Variants in NPHP1 observed in about 807,000 individuals in gnomAD.
The protein encoded by NPHP1 is nephrocystin 1.
Under a neutral mutation model 90.4 loss-of-function variants are expected in NPHP1, and 70 were observed. The observed-to-expected ratio is 0.77, with a 90% CI of 0.64 to 0.95. The LOEUF (loss-of-function observed/expected upper bound fraction) is 0.95. Among genes scored for constraint, NPHP1 ranks in the 40% least tolerant of loss-of-function variants. The pLI is 0.00. For missense variants in NPHP1, 764 were observed against 795.9 expected (o/e 0.96, Z 0.48); for synonymous variants, 256 against 271.7 (o/e 0.94, Z 0.57).
chr2:110,200,060 C>A (rs1397596304), intron 2 of NPHP1, among the ~76,000 whole-genome samples: 3 of 151,784 alleles, frequency 2.0e-5, no homozygotes, highest in Non-Finnish European at 4.4e-5. Context: ...TTGAGACCAT[C>A]CTGGCTAGCA....
chr2:110,132,046 T>C (rs777035317), intron 16 of NPHP1, among the ~76,000 whole-genome samples: 2 of 152,184 alleles, frequency 1.3e-5, no homozygotes, highest in Non-Finnish European at 2.9e-5. Context: ...TATATACCTA[T>C]GTTAAATGTC....
Position 110,161,666 on chromosome 2 carries a change from T to C in NPHP1, c.891A>G (p.Gln297=), listed in dbSNP as rs1224023305. The C allele has an allele frequency of 2.5e-6, 4 of 1,613,228 alleles. No individual in the cohort carries two copies. The highest frequency in any genetic ancestry group is 1.7e-5 in the Admixed American group (1 of 60,012). The stretch of plus-strand genomic sequence containing the variant: ...CCAGTTGTGAAGGCATGAGCTCTGG[T>C]TGTAAGAAGTAATTTGCTCGAAATT... The part of the protein sequence containing the change: ...GNQFRANYFL[Q]PELMPSQLAF... The change falls in exon 10 of 20, where the codon CAA becomes CAG. Residue 297 remains glutamine, a synonymous_variant. Coordinates refer to ENST00000445609, the MANE Select transcript of NPHP1 (RefSeq NM_001128178.3).
chr2:110,177,423 G>A (rs1416256578), intron 4 of NPHP1, among the ~76,000 whole-genome samples: 1 of 151,926 alleles, frequency 6.6e-6, no homozygotes, highest in East Asian at 1.9e-4. Context: ...GGGTTTGTTC[G>A]TACAGGTTGG....
At chr2:110,177,784 G>T (rs1381909501) in intron 4 of NPHP1, among the ~76,000 whole-genome samples, 1 of 150,764 alleles carries the variant, frequency 6.6e-6, no homozygotes, top group Non-Finnish European at 1.5e-5. Context: ...TCACTCCGTT[G>T]CCCAGGCTGT....
At position 110,160,181 on chromosome 2, in the gene NPHP1, C is replaced by T. The variant is rs757945008; in HGVS notation, c.1029G>A (p.Met343Ile). The change falls in exon 11 of 20, where the codon ATG becomes ATA. Residue 343 changes from methionine (M) to isoleucine (I), a missense_variant. Transcript: ENST00000445609. ...WSCKMIPLPG[M>I]SIQVLSRHVR... is the part of the protein sequence containing the mutation. ...CATGTCTGCTGAGAACCTGTATGCT[C>T]ATTCCTGGAAGAGGAATCATTTTAC... 4 of 1,612,058 alleles carry T rather than the reference C, an allele frequency of 2.5e-6. No homozygotes were observed. The highest frequency in any genetic ancestry group is 1.6e-4 in the Middle Eastern group (1 of 6,076).
At chr2:110,131,383 T>C (rs1028312929) in intron 17 of NPHP1, among the ~76,000 whole-genome samples, 1 of 152,136 alleles carries the variant, frequency 6.6e-6, no homozygotes, top group Non-Finnish European at 1.5e-5. Flanking sequence ...AAAAAACAGA[T>C]TACTCAGAGA....
At chr2:110,156,050 T>C (rs1222996143) in intron 11 of NPHP1, among the ~76,000 whole-genome samples, 1 of 151,116 alleles carries the variant, frequency 6.6e-6, no homozygotes, top group South Asian at 2.1e-4. Context: ...TAGGAAGTGA[T>C]TGAATTATGG....
Position 110,178,465 on chromosome 2 carries a change from A to G in NPHP1, c.287T>C (p.Leu96Pro). 6.2e-7 allele frequency: 1 copy of G among 1,613,920 alleles called. No homozygotes were observed. Among genetic ancestry groups the G allele is most frequent in the Non-Finnish European group, 8.5e-7 (1 of 1,179,838 alleles). The change falls in exon 4 of 20, where the codon CTG (leucine) becomes CCG (proline). Residue 96 changes from leucine (L) to proline (P), a missense_variant. Leu to Pro is a moderately conservative substitution (Grantham distance 98). Transcript: ENST00000445609. ...HTLLDKLTQQ[L>P]QGLAVTISRE... Reference sequence around the variant, plus strand: ...GCTTATTGTCACAGCAAGGCCCTGCAGTTGTTGGGTAAGCTTGTCCAAAAG... The same window carrying G: ...GCTTATTGTCACAGCAAGGCCCTGCGGTTGTTGGGTAAGCTTGTCCAAAAG...
chr2:110,191,305 C>T (rs908718199), intron 2 of NPHP1, among the ~76,000 whole-genome samples: 1 of 152,178 alleles, frequency 6.6e-6, no homozygotes. Flanking sequence ...AAAATCGGGT[C>T]ACCCCCACCC....
chr2:110,137,875 C>G (rs566641967), intron 16 of NPHP1, among the ~76,000 whole-genome samples: 1 of 150,768 alleles, frequency 6.6e-6, no homozygotes, highest in East Asian at 1.9e-4. Context: ...CACATGCACA[C>G]GTATGTTTAT....
intron 16 of NPHP1, among the ~76,000 whole-genome samples, chr2:110,142,884 A>G (rs974228623): frequency 6.6e-6 from 1 of 152,218 alleles, no homozygotes; most frequent in African/African-American, 2.4e-5. Context: ...GACAGTCTGT[A>G]CTATTTAGAA....
At chr2:110,150,360 T>G in intron 11 of NPHP1, 104 bp from the exon 12 acceptor site, 1 of 1,007,850 alleles carries the variant, frequency 9.9e-7, no homozygotes, top group Non-Finnish European at 1.6e-6. Context: ...GTGAGGAAGA[T>G]GGCAAGGGGA....
At position 110,192,132 on chromosome 2, in the gene NPHP1, C is replaced by T. The variant is rs141257097; in HGVS notation, c.143+9289G>A. Among the ~76,000 whole-genome samples, 1,386 of 152,272 alleles carry T rather than the reference C, an allele frequency of 9.1e-3. 20 individuals carry two copies. Among genetic ancestry groups the T allele is most frequent in the African/African-American group, 0.032 (1,329 of 41,550 alleles). On this transcript the variant is annotated intron_variant, in intron 2 of 19. Coordinates refer to ENST00000445609, the MANE Select transcript of NPHP1 (RefSeq NM_001128178.3). ...CCTTCAAAGGATTGCAGCTCCTCAC[C>T]AGCAACAGAACAAAGCTGGACGGAG...
intron 11 of NPHP1, among the ~76,000 whole-genome samples, chr2:110,155,680 G>A (rs910373909): frequency 6.6e-6 from 1 of 152,136 alleles, no homozygotes; most frequent in Non-Finnish European, 1.5e-5. Context: ...GGACTTGCAT[G>A]GGGCCTGTAG....
In NPHP1 at chr2:110,143,623, T is replaced by C. The variant is rs1283995363; in HGVS notation, c.1448A>G (p.Tyr483Cys). The C allele has an allele frequency of 6.2e-7, 1 of 1,612,522 alleles. No homozygotes were observed. The highest frequency in any genetic ancestry group is 1.3e-5 in the African/African-American group (1 of 74,886). Reference protein sequence around the residue: ...ISRRAHGSVFYQIMTMRRQPQ... With the variant: ...ISRRAHGSVFCQIMTMRRQPQ... The stretch of plus-strand genomic sequence containing the variant: ...CTGCCTTCTCATTGTCATAATCTGG[T>C]AGAAAACACTGCCGTGTGCTTTTAA... Residue 483 changes from tyrosine to cysteine, a missense_variant, in exon 16 of 20, where the codon TAC (tyrosine) becomes TGC (cysteine). Tyr to Cys is a radical substitution (Grantham distance 194). Transcript: ENST00000445609.
intron 15 of NPHP1, 94 bp downstream of exon 15, chr2:110,144,399 A>G (rs1430984734): frequency 1.3e-5 from 10 of 795,408 alleles, no homozygotes; most frequent in Non-Finnish European, 1.9e-5. Flanking sequence ...GAATTCAAGT[A>G]AAAAACGCTA....
rs182017162 is a variant in NPHP1 at position 110,161,130 on chromosome 2, C to T, written c.954+473G>A. ...ACAGTGAGCCATGATCACACCACTG[C>T]CCTCTAGCCTGGGTGACAGAGGGAG... On this transcript the variant is annotated intron_variant, in intron 10 of 19. Coordinates refer to ENST00000445609, the MANE Select transcript of NPHP1 (RefSeq NM_001128178.3). Among the ~76,000 whole-genome samples the T allele has an allele frequency of 1.3e-3, 199 of 152,222 alleles. 2 individuals carry two copies. Among genetic ancestry groups the T allele is most frequent in the South Asian group, 4.4e-3 (21 of 4,806 alleles).
At chr2:110,129,678 C>T (rs886552951) in intron 17 of NPHP1, among the ~76,000 whole-genome samples, 1 of 152,178 alleles carries the variant, frequency 6.6e-6, no homozygotes, top group South Asian at 2.1e-4. Context: ...ACCTGCTGCT[C>T]AGGTCTGATT....
At position 110,129,342 on chromosome 2, in the gene NPHP1, G is replaced by A. The variant is rs1034972045; in HGVS notation, c.1643-83C>T. On this transcript the variant is annotated intron_variant, in intron 17 of 19. Coordinates refer to ENST00000445609, the MANE Select transcript of NPHP1 (RefSeq NM_001128178.3). ...GCAATAGACACAAAAATATTCAGAT[G>A]AAAATTATTGTGCCAAATGATTTGT... 4.8e-5 allele frequency: 48 copies of A among 996,188 alleles called. No individual in the cohort carries two copies. In the Admixed American group the frequency reaches 9.0e-4, roughly 19 times the overall value. The allele number at this position is 996,188 out of a possible 1,614,324, so 61.7% of individuals were successfully genotyped here. A position where few individuals can be genotyped will look rare whatever the true frequency, so the allele number is the denominator to read the frequency against.
Sources: allele counts gnomAD v4.1 joint callset (sites outside exome capture counted in the v4.1 genomes callset), GRCh38; gene constraint gnomAD v4.1.1; transcripts MANE v1.5; gene names NCBI Gene and HGNC (gene_info 2026-07-23, HGNC 2026-07-21).